Variants in SHANK2 observed in about 807,000 individuals in gnomAD.
SHANK2 encodes the protein SH3 and multiple ankyrin repeat domains protein 2.
A neutral mutation model predicts 133.7 loss-of-function variants in SHANK2; 43 were observed. The ratio of observed to expected loss-of-function variants is 0.32; its 90% CI spans 0.25 to 0.41. The LOEUF (loss-of-function observed/expected upper bound fraction) is 0.41. SHANK2 is among the 10% of genes least tolerant of loss of function. The pLI is 1.00. For synonymous variants in SHANK2, 1,017 were observed against 952.8 expected (o/e 1.07, Z -1.24); for missense variants, 1,994 against 2,235.8 (o/e 0.89, Z 2.18).
intron 2 of SHANK2, among the ~76,000 whole-genome samples, chr11:71,160,748 G>A (rs1952996454): frequency 6.6e-6 from 1 of 152,158 alleles, no homozygotes; most frequent in Admixed American, 6.5e-5. Flanking sequence ...AAAAAGTTGA[G>A]GAGGCCACTC....
intron 14 of SHANK2, among the ~76,000 whole-genome samples, chr11:70,713,097 G>A (rs1555026531): frequency 6.6e-6 from 1 of 152,252 alleles, no homozygotes; most frequent in Non-Finnish European, 1.5e-5. Flanking sequence ...GCATGGGTTT[G>A]TGTGTGGGCA....
At chr11:70,687,583 A>G (rs1945182832) in intron 15 of SHANK2, among the ~76,000 whole-genome samples, 1 of 118,536 alleles carries the variant, frequency 8.4e-6, no homozygotes, top group African/African-American at 3.2e-5. Flanking sequence ...GGGGCCAGGT[A>G]CAGTGTGGGG....
At chr11:70,489,869 G>A in intron 23 of SHANK2, 1 of 303,216 alleles carries the variant, frequency 3.3e-6, no homozygotes, top group Non-Finnish European at 6.4e-6. Context: ...CATCTGCTGA[G>A]CTCATACTCC....
chr11:70,758,575 C>A (rs1359501708), intron 14 of SHANK2, among the ~76,000 whole-genome samples: 1 of 152,238 alleles, frequency 6.6e-6, no homozygotes, highest in African/African-American at 2.4e-5. Context: ...TCCTTGGAAT[C>A]TGTGAGGCCA....
chr11:70,641,963 G>C (rs911994280), intron 17 of SHANK2, among the ~76,000 whole-genome samples: 4 of 152,208 alleles, frequency 2.6e-5, no homozygotes, highest in Non-Finnish European at 4.4e-5. Context: ...AATCCCACTG[G>C]GGATGACTCT....
At chr11:70,756,737 C>T (rs914555246) in intron 14 of SHANK2, among the ~76,000 whole-genome samples, 3 of 152,222 alleles carry the variant, frequency 2.0e-5, no homozygotes, top group Non-Finnish European at 4.4e-5. Flanking sequence ...CCCCTATCAT[C>T]TCAGTGGCCA....
chr11:70,822,741 T>G (rs1187829986), intron 11 of SHANK2, among the ~76,000 whole-genome samples: 1 of 42,952 alleles, frequency 2.3e-5, no homozygotes, highest in African/African-American at 9.9e-5. Context: ...GCAGAGGTCA[T>G]GGGGGACAGA....
At chr11:70,517,979 G>A (rs569140671) in intron 17 of SHANK2, among the ~76,000 whole-genome samples, 67 of 152,190 alleles carry the variant, frequency 4.4e-4, no homozygotes, top group African/African-American at 1.4e-3. Context: ...GTGGCAAGTC[G>A]GTACTTTTCA....
chr11:71,069,943 C>T (rs1325403851), intron 9 of SHANK2, among the ~76,000 whole-genome samples: 2 of 152,146 alleles, frequency 1.3e-5, no homozygotes, highest in Admixed American at 1.3e-4. Context: ...TGGTTTCTGC[C>T]CCCTGCATGA....
intron 11 of SHANK2, among the ~76,000 whole-genome samples, chr11:70,861,309 A>G (rs1290493441): frequency 1.3e-5 from 2 of 152,210 alleles, no homozygotes; most frequent in Admixed American, 1.3e-4. Flanking sequence ...GTCGTGAAGG[A>G]CTAATGCTTT....
chr11:70,907,096 G>A (rs541087941), intron 10 of SHANK2, among the ~76,000 whole-genome samples: 1 of 152,358 alleles, frequency 6.6e-6, no homozygotes, highest in African/African-American at 2.4e-5. Flanking sequence ...CGGCTCAGGG[G>A]AGTCGTGGGC....
intron 14 of SHANK2, among the ~76,000 whole-genome samples, chr11:70,720,884 T>C (rs1046539099): frequency 6.6e-6 from 1 of 152,214 alleles, no homozygotes; most frequent in Non-Finnish European, 1.5e-5. Flanking sequence ...CATGCACACA[T>C]ACACATCTGT....
chr11:70,513,333 T>C (rs1374152790), intron 17 of SHANK2, among the ~76,000 whole-genome samples: 1 of 152,160 alleles, frequency 6.6e-6, no homozygotes, highest in Non-Finnish European at 1.5e-5. Context: ...AGGTCTTTGG[T>C]TGATGTCTGA....
chr11:70,775,332 T>C (rs1320444174), intron 14 of SHANK2, among the ~76,000 whole-genome samples: 1 of 152,132 alleles, frequency 6.6e-6, no homozygotes, highest in Non-Finnish European at 1.5e-5. Flanking sequence ...GGCACGTGTT[T>C]GTAATCCCAG....
At chr11:70,853,392 C>T (rs1949119637) in intron 11 of SHANK2, among the ~76,000 whole-genome samples, 1 of 152,222 alleles carries the variant, frequency 6.6e-6, no homozygotes, top group Non-Finnish European at 1.5e-5. Flanking sequence ...GACCCTGAGG[C>T]TGCAGTGAGG....
At position 71,210,911 on chromosome 11, in the gene SHANK2, G is replaced by A. The variant is rs183457770; in HGVS notation, c.-13+13786C>T. On this transcript the variant is annotated intron_variant, in intron 2 of 25. Coordinates refer to ENST00000601538, the MANE Select transcript of SHANK2 (RefSeq NM_012309.5). ...GCGCCGGCACTCCCCTCATCCTCAC[G>A]GATTTGGGGAAACATAACAGGTCCA... 1.2e-4 allele frequency among the ~76,000 whole-genome samples: 19 copies of A among 152,290 alleles called. 1 individual carries two copies. The East Asian group carries it at 3.1e-3, about 25-fold the overall frequency.
At chr11:70,877,958 G>A (rs958274103) in intron 11 of SHANK2, among the ~76,000 whole-genome samples, 5 of 152,230 alleles carry the variant, frequency 3.3e-5, no homozygotes, top group Non-Finnish European at 5.9e-5. Flanking sequence ...GTGTGCTGGG[G>A]AAAAGAGAAG....
chr11:70,576,458 C>T (rs2060117541), intron 17 of SHANK2, among the ~76,000 whole-genome samples: 1 of 151,846 alleles, frequency 6.6e-6, no homozygotes, highest in East Asian at 1.9e-4. Context: ...CATGGTGAAA[C>T]CCTGTCTCTA....
rs555485516 is a variant in SHANK2 at position 70,891,458 on chromosome 11, C to T, written c.1174+5043G>A. ...CGGAGCTTGCAGTGAGCCGAGATCGCGCCACTGCACTCCAGCCTGGGTGAC... is the reference window on the plus strand; with the variant it reads ...CGGAGCTTGCAGTGAGCCGAGATCGTGCCACTGCACTCCAGCCTGGGTGAC... On this transcript the variant is annotated intron_variant, in intron 11 of 25. Coordinates refer to ENST00000601538, the MANE Select transcript of SHANK2 (RefSeq NM_012309.5). Among the ~76,000 whole-genome samples, 39 of 151,192 alleles carry T rather than the reference C, an allele frequency of 2.6e-4. No individual in the cohort carries two copies. In the South Asian group the frequency reaches 5.0e-3, roughly 20 times the overall value.
Sources: allele counts gnomAD v4.1 joint callset (sites outside exome capture counted in the v4.1 genomes callset), GRCh38; gene constraint gnomAD v4.1.1; transcripts MANE v1.5; gene names NCBI Gene and HGNC (gene_info 2026-07-23, HGNC 2026-07-21).